The following NDUFAF6 variants were observed in gnomAD, a reference collection of about 807,000 sequenced individuals.
NDUFAF6 encodes the protein NADH dehydrogenase (ubiquinone) complex I, assembly factor 6.
NDUFAF6 carries 45 observed loss-of-function variants against 40.8 expected under a neutral mutation model. That is an observed-to-expected ratio of 1.10 (90% CI 0.87 to 1.42). The LOEUF is 1.42. NDUFAF6 is among the 40% of genes most tolerant of loss of function. The probability of loss-of-function intolerance (pLI) is 0.00; values close to 1 mark genes in which losing one functional copy is unlikely to be tolerated. For missense variants in NDUFAF6, 435 were observed against 418.5 expected (o/e 1.04, Z -0.34); for synonymous variants, 185 against 155.9 (o/e 1.19, Z -1.39).
At chr8:94,940,249 A>G (rs2956210) in intron 1 of NDUFAF6, 1,094,121 of 1,570,976 alleles carry the variant, frequency 0.7, 382,689 homozygotes, top group Middle Eastern at 0.77. Context: ...TGCAGTCCAC[A>G]TGTGTTGTTG....
chr8:95,033,616 A>C (rs2131788918), intron 2 of NDUFAF6, among the ~76,000 whole-genome samples: 1 of 152,332 alleles, frequency 6.6e-6, no homozygotes, highest in Non-Finnish European at 1.5e-5. Context: ...GAAATAAAGC[A>C]GGATAAGGAG....
upstream of NDUFAF6, among the ~76,000 whole-genome samples, chr8:95,024,819 A>G (rs1336817422): frequency 2.0e-5 from 3 of 152,190 alleles, no homozygotes; most frequent in Non-Finnish European, 2.9e-5. Flanking sequence ...TCTTTCCTGG[A>G]ACGAAGGCCA....
At chr8:94,979,948 T>A (rs1825278119) in intron 1 of NDUFAF6, among the ~76,000 whole-genome samples, 1 of 151,878 alleles carries the variant, frequency 6.6e-6, no homozygotes, top group Admixed American at 6.6e-5. Context: ...ATAAAAAAAA[T>A]CAGCTTGGTG....
upstream of NDUFAF6, among the ~76,000 whole-genome samples, chr8:94,957,562 C>G (rs191506209): frequency 6.6e-6 from 1 of 152,156 alleles, no homozygotes; most frequent in African/African-American, 2.4e-5. Flanking sequence ...TGACCACCTG[C>G]AGAGAAGCCA....
intron 1 of NDUFAF6, among the ~76,000 whole-genome samples, chr8:94,971,676 C>T (rs938667095): frequency 1.3e-5 from 2 of 152,154 alleles, no homozygotes; most frequent in Non-Finnish European, 2.9e-5. Context: ...GTGGCTTATG[C>T]TTACAATCCC....
At chr8:94,898,652 C>T (rs1817819726) in intron 1 of NDUFAF6, among the ~76,000 whole-genome samples, 1 of 152,126 alleles carries the variant, frequency 6.6e-6, no homozygotes, top group Admixed American at 6.6e-5. Flanking sequence ...ATACTGTGCT[C>T]TTTGGAAGGA....
chr8:95,094,395 T>TGG (rs1809373839), intron 2 of NDUFAF6, among the ~76,000 whole-genome samples: 2 of 24,380 alleles, frequency 8.2e-5, no homozygotes, highest in Non-Finnish European at 1.4e-4. Context: ...TCTTTTCTTT[T>TGG]CTTTCTTTTT....
At chr8:94,997,482 A>C (rs768916656) in intron 2 of NDUFAF6, among the ~76,000 whole-genome samples, 6 of 152,272 alleles carry the variant, frequency 3.9e-5, no homozygotes, top group Middle Eastern at 6.8e-3. Context: ...AGTAGCCATG[A>C]ATGTATTTTT....
chr8:95,063,877 G>GTT (rs11385145), intron 9 of NDUFAF6, among the ~76,000 whole-genome samples: 9 of 143,080 alleles, frequency 6.3e-5, no homozygotes, highest in Admixed American at 2.1e-4. Flanking sequence ...TCTTGCTGCA[G>GTT]TTTTTTTTTT....
At chr8:94,934,717 A>T (rs1008046978) in intron 1 of NDUFAF6, among the ~76,000 whole-genome samples, 18 of 152,136 alleles carry the variant, frequency 1.2e-4, no homozygotes, top group Non-Finnish European at 2.5e-4. Flanking sequence ...TCAGAGGTAA[A>T]ATCATAATCA....
Position 95,047,003 on chromosome 8 carries a change from A to G in NDUFAF6, c.590A>G (p.Asp197Gly), listed in dbSNP as rs755357499. 2.5e-6 allele frequency: 4 copies of G among 1,613,994 alleles called. No individual in the cohort carries two copies. Among genetic ancestry groups the G allele is most frequent in the Non-Finnish European group, 3.4e-6 (4 of 1,180,020 alleles). ...YLTLEILGIK[D>G]LHADHAASHI... ...ATTTCTGAAATCATAGGTATAAAGG[A>G]TCTTCATGCAGATCATGCTGCAAGT... Residue 197 changes from aspartate to glycine, a missense_variant, in exon 6 of 9, where the codon GAT becomes GGT. Coordinates refer to ENST00000396124, the MANE Select transcript of NDUFAF6 (RefSeq NM_152416.4).
In NDUFAF6 at chr8:95,035,590, A is replaced by AG; in HGVS notation, c.420+14_420+15insG. 1 of 1,609,062 alleles carries AG rather than the reference A, an allele frequency of 6.2e-7. No homozygotes were observed. Among genetic ancestry groups the AG allele is most frequent in the Non-Finnish European group, 8.5e-7 (1 of 1,176,830 alleles). ...GAACTATGGAAGGTAAAAAAAAAAA[A>AG]ATACCACTTTTAATTTGTATGAATA... On this transcript the variant is annotated intron_variant, in intron 3 of 8. Transcript: ENST00000396124.
intron 2 of NDUFAF6, among the ~76,000 whole-genome samples, chr8:94,998,815 G>A (rs190937935): frequency 6.6e-6 from 1 of 152,264 alleles, no homozygotes; most frequent in Admixed American, 6.5e-5. Flanking sequence ...GAAAAGGAAG[G>A]CAAGTTTATT....
intron 1 of NDUFAF6, 77 bp from the exon 2 acceptor site, chr8:95,031,917 TC>T (rs1828898168): frequency 7.0e-7 from 1 of 1,418,504 alleles, no homozygotes; most frequent in Admixed American, 1.7e-5. Flanking sequence ...CTTTTTGTTT[TC>T]AGTTAATTTT....
chr8:94,990,386 C>T (rs781097801), intron 2 of NDUFAF6, among the ~76,000 whole-genome samples: 2 of 152,114 alleles, frequency 1.3e-5, no homozygotes, highest in African/African-American at 2.4e-5. Context: ...GAGTTTGGGA[C>T]CAAATTGACA....
downstream of NDUFAF6, among the ~76,000 whole-genome samples, chr8:95,061,457 C>T (rs2132014300): frequency 6.6e-6 from 1 of 152,200 alleles, no homozygotes; most frequent in South Asian, 2.1e-4. Flanking sequence ...CTGCAAGGAA[C>T]ACAGGTCCAG....
rs756507716 is a variant in NDUFAF6 at position 95,025,037 on chromosome 8, G to A, written c.29G>A (p.Trp10Ter). 17 of 1,413,492 alleles carry A rather than the reference G, an allele frequency of 1.2e-5. No homozygotes were observed. The highest frequency in any genetic ancestry group is 3.0e-5 in the African/African-American group (2 of 66,958). The allele number at this position is 1,413,492 out of a possible 1,614,324, so 87.6% of individuals were successfully genotyped here. A position where few individuals can be genotyped will look rare whatever the true frequency, so the allele number is the denominator to read the frequency against. The change falls in exon 1 of 9, where the codon TGG becomes TAG. Residue 10 changes from tryptophan (W) to a stop codon, truncating the protein, a stop_gained. Coordinates refer to ENST00000396124, the MANE Select transcript of NDUFAF6 (RefSeq NM_152416.4). LOFTEE classifies it high-confidence loss of function. ...GCGGCCTCCGCGCACGGCTCTGTCT[G>A]GGGGCCGTTGCGGCTTGGCATCCCC... MAASAHGSV[W>*]GPLRLGIPGL...
chr8:94,922,531 T>G (rs912546433), intron 1 of NDUFAF6, among the ~76,000 whole-genome samples: 1 of 150,062 alleles, frequency 6.7e-6, no homozygotes, highest in African/African-American at 2.5e-5. Context: ...CAGGCTGGAG[T>G]GCAGTGGTGT....
At chr8:94,996,440 A>G (rs1334492921) in intron 2 of NDUFAF6, among the ~76,000 whole-genome samples, 4 of 152,234 alleles carry the variant, frequency 2.6e-5, no homozygotes, top group South Asian at 2.1e-4. Flanking sequence ...TAACTGACAT[A>G]TAAGTATGAA....
Sources: allele counts gnomAD v4.1 joint callset (sites outside exome capture counted in the v4.1 genomes callset), GRCh38; gene constraint gnomAD v4.1.1; transcripts MANE v1.5; gene names NCBI Gene and HGNC (gene_info 2026-07-23, HGNC 2026-07-21).